The following CCDC169 variants were observed in gnomAD, a reference collection of about 807,000 sequenced individuals.
The protein encoded by CCDC169 is coiled-coil domain containing 169, also known as coiled-coil domain-containing protein 169.
Under a neutral mutation model 36.0 loss-of-function variants are expected in CCDC169, and 30 were observed. That is an observed-to-expected ratio of 0.83 (90% CI 0.62 to 1.13). The LOEUF is 1.13. CCDC169 is among the 50% of genes most tolerant of loss of function. CCDC169 has a pLI of 0.00. For synonymous variants in CCDC169, 85 were observed against 81.5 expected, an observed-to-expected ratio of 1.04 and a Z score of -0.23; for missense variants, 245 against 245.9, an observed-to-expected ratio of 1.00 and a Z score of 0.03.
chr13:36,263,800 T>G (rs1874901060), intron 4 of CCDC169, among the ~76,000 whole-genome samples: 1 of 152,054 alleles, frequency 6.6e-6, no homozygotes, highest in Non-Finnish European at 1.5e-5. Context: ...CAATAAAAGG[T>G]AAACATATGC....
At chr13:36,285,092 C>T (rs1217699852) in intron 2 of CCDC169, among the ~76,000 whole-genome samples, 1 of 152,170 alleles carries the variant, frequency 6.6e-6, no homozygotes, top group African/African-American at 2.4e-5. Flanking sequence ...ATCCCCTTTC[C>T]TAACATGGTA....
At chr13:36,276,860 A>T (rs1413967466) in intron 4 of CCDC169, among the ~76,000 whole-genome samples, 1 of 152,058 alleles carries the variant, frequency 6.6e-6, no homozygotes, top group Admixed American at 6.6e-5. Context: ...ATATCTGTTG[A>T]TCTTAAGTTG....
intron 4 of CCDC169, 136 bp from the exon 5 acceptor site, chr13:36,254,279 T>A: frequency 5.6e-6 from 3 of 533,000 alleles, no homozygotes; most frequent in Admixed American, 4.2e-5. Context: ...TATGTACTTT[T>A]TTTTTTTTTT....
chr13:36,295,831 T>C lies in CCDC169; in HGVS notation c.110A>G (p.Glu37Gly). ...KKDAVQLSIF[E>G]LRHKITELEA... The stretch of plus-strand genomic sequence containing the variant: ...CAGTTCCGTAATCTTGTGTCTTAGT[T>C]CAAATATTGAGAGTTGCACTGCATC... The change falls in exon 2 of 8, where the codon GAA becomes GGA. Residue 37 changes from glutamate to glycine, a missense_variant. By Grantham distance (98) the Glu-to-Gly change is moderately conservative. Coordinates refer to ENST00000239859, the MANE Select transcript of CCDC169 (RefSeq NM_001144981.3). 3 of 1,543,120 alleles carry C rather than the reference T, an allele frequency of 1.9e-6. No homozygotes were observed. The highest frequency in any genetic ancestry group is 2.6e-6 in the Non-Finnish European group (3 of 1,140,484).
intron 1 of CCDC169, 82 bp from the exon 2 acceptor site, chr13:36,295,939 T>C (rs1039735338): frequency 1.6e-5 from 12 of 744,754 alleles, no homozygotes; most frequent in Non-Finnish European, 2.6e-5. Flanking sequence ...CCACTACTAC[T>C]TCAGGAACAA....
rs148766465 is a variant in CCDC169 at position 36,272,720 on chromosome 13, G to A, written c.315+10749C>T. On this transcript the variant is annotated intron_variant, in intron 4 of 7. Transcript: ENST00000239859. Reference sequence around the variant, plus strand: ...AGCTGAGAGTTCCATTATTCAAACGGCATATTTTCATTTGATCCCATCATT... The same window carrying A: ...AGCTGAGAGTTCCATTATTCAAACGACATATTTTCATTTGATCCCATCATT... 9.8e-3 allele frequency among the ~76,000 whole-genome samples: 1,495 copies of A among 152,090 alleles called. 13 individuals carry two copies. Among genetic ancestry groups the A allele is most frequent in the Middle Eastern group, 0.017 (5 of 294 alleles).
chr13:36,224,364 A>T (rs1244325935), downstream of CCDC169: 1 of 152,166 alleles, frequency 6.6e-6, no homozygotes, highest in African/African-American at 2.4e-5. Flanking sequence ...GGATAATATG[A>T]CCCTATACAT....
intron 2 of CCDC169, among the ~76,000 whole-genome samples, chr13:36,294,541 T>A (rs1486780231): frequency 6.6e-6 from 1 of 152,168 alleles, no homozygotes; most frequent in Non-Finnish European, 1.5e-5. Context: ...TATTCCTTTT[T>A]GTTCATGGCT....
At chr13:36,233,185 T>C (rs1870643035) in intron 7 of CCDC169, among the ~76,000 whole-genome samples, 1 of 152,080 alleles carries the variant, frequency 6.6e-6, no homozygotes, top group Admixed American at 6.6e-5. Context: ...TTTAAATAAA[T>C]CTGTTCAATC....
At chr13:36,283,323 T>C (rs981623944) in intron 4 of CCDC169, 146 bp downstream of exon 4, 6 of 753,776 alleles carry the variant, frequency 8.0e-6, no homozygotes, top group Non-Finnish European at 1.3e-5. Flanking sequence ...TCAAAAATTA[T>C]TTGTTGTCCT....
chr13:36,273,842 T>C (rs992715769), intron 4 of CCDC169, among the ~76,000 whole-genome samples: 3 of 152,210 alleles, frequency 2.0e-5, no homozygotes, highest in Non-Finnish European at 4.4e-5. Context: ...CTTCGTTCTT[T>C]CTTCACTATT....
chr13:36,267,885 T>A (rs572444611), intron 4 of CCDC169, among the ~76,000 whole-genome samples: 1 of 151,572 alleles, frequency 6.6e-6, no homozygotes, highest in Admixed American at 6.6e-5. Flanking sequence ...GACAAAAGGA[T>A]CAATTCAACA....
intron 7 of CCDC169, among the ~76,000 whole-genome samples, chr13:36,238,129 G>A (rs1275325540): frequency 6.6e-6 from 1 of 152,196 alleles, no homozygotes; most frequent in Non-Finnish European, 1.5e-5. Context: ...TTTAGTGGAA[G>A]GGGGTTTGGG....
chr13:36,227,396 G>A (rs1279926362), downstream of CCDC169: 1 of 1,531,822 alleles, frequency 6.5e-7, no homozygotes, highest in Non-Finnish European at 8.8e-7. Flanking sequence ...TTGAAGAGAT[G>A]TGAATAGAAC....
At chr13:36,283,390 T>C in intron 4 of CCDC169, 79 bp downstream of exon 4, 1 of 1,352,308 alleles carries the variant, frequency 7.4e-7, no homozygotes, top group South Asian at 1.4e-5. Flanking sequence ...GTCTTCAAAC[T>C]TCTCTTTGAA....
intron 4 of CCDC169, among the ~76,000 whole-genome samples, chr13:36,281,692 T>C (rs574447672): frequency 2.6e-5 from 4 of 152,104 alleles, no homozygotes; most frequent in Admixed American, 6.5e-5. Flanking sequence ...TGAAACCTCG[T>C]CTCTACTAAA....
intron 4 of CCDC169, among the ~76,000 whole-genome samples, chr13:36,272,077 T>G (rs1876141275): frequency 7.1e-6 from 1 of 140,100 alleles, no homozygotes; most frequent in Non-Finnish European, 1.5e-5. Context: ...AGAGTGAGGC[T>G]CCGTCTCAAA....
At chr13:36,228,232 G>C (rs1870059695), downstream of CCDC169, among the ~76,000 whole-genome samples, 1 of 152,024 alleles carries the variant, frequency 6.6e-6, no homozygotes, top group African/African-American at 2.4e-5. Context: ...ACCTTTTGAG[G>C]AACTGACAGT....
At chr13:36,287,459 T>G (rs1420427681) in intron 2 of CCDC169, among the ~76,000 whole-genome samples, 1 of 152,244 alleles carries the variant, frequency 6.6e-6, no homozygotes, top group African/African-American at 2.4e-5. Flanking sequence ...TTTGTAGGTC[T>G]GTGAGTTTGT....
Sources: allele counts gnomAD v4.1 joint callset (sites outside exome capture counted in the v4.1 genomes callset), GRCh38; gene constraint gnomAD v4.1.1; transcripts MANE v1.5; gene names NCBI Gene and HGNC (gene_info 2026-07-23, HGNC 2026-07-21).